The following MMP16 variants were observed in gnomAD, a reference collection of about 807,000 sequenced individuals.
MMP16 encodes the protein matrix metalloproteinase-16.
Under a neutral mutation model 67.8 loss-of-function variants are expected in MMP16, and 12 were observed. The observed-to-expected ratio is 0.18, with a 90% confidence interval of 0.11 to 0.29. The LOEUF is 0.29. Among genes scored for constraint, MMP16 ranks in the 10% least tolerant of loss-of-function variants. The pLI is 1.00. For missense variants in MMP16, 475 were observed against 765.7 expected, an observed-to-expected ratio of 0.62 and a Z score of 4.48; for synonymous variants, 249 against 255.9, an observed-to-expected ratio of 0.97 and a Z score of 0.26.
intron 3 of MMP16, among the ~76,000 whole-genome samples, chr8:88,182,379 A>G (rs1808994794): frequency 6.6e-6 from 1 of 152,146 alleles, no homozygotes; most frequent in Non-Finnish European, 1.5e-5. Context: ...AAGCATATGA[A>G]AAGTTGCATC....
intron 1 of MMP16, among the ~76,000 whole-genome samples, chr8:88,198,108 G>A (rs931234087): frequency 1.3e-4 from 20 of 152,246 alleles, no homozygotes; most frequent in African/African-American, 4.8e-4. Flanking sequence ...TGTGATTGGA[G>A]CAAAAATTCG....
At chr8:88,216,626 A>G (rs1443037183) in intron 1 of MMP16, among the ~76,000 whole-genome samples, 4 of 152,186 alleles carry the variant, frequency 2.6e-5, no homozygotes, top group African/African-American at 7.2e-5. Flanking sequence ...TTGACACTTC[A>G]GAATACTACA....
chr8:88,185,292 C>A (rs1480298776), intron 3 of MMP16, among the ~76,000 whole-genome samples: 1 of 151,860 alleles, frequency 6.6e-6, no homozygotes, highest in Admixed American at 6.6e-5. Context: ...AATCCTGTGT[C>A]TACAAAAAAT....
intron 1 of MMP16, among the ~76,000 whole-genome samples, chr8:88,224,808 C>T (rs1809743703): frequency 6.6e-6 from 1 of 151,912 alleles, no homozygotes; most frequent in South Asian, 2.1e-4. Context: ...TTCTGAGAAC[C>T]TCAGAGAGTT....
chr8:88,281,170 C>A (rs973059103), intron 1 of MMP16, among the ~76,000 whole-genome samples: 3 of 152,166 alleles, frequency 2.0e-5, no homozygotes, highest in South Asian at 2.1e-4. Context: ...GAATTAAAAA[C>A]CATATCTTGT....
chr8:88,119,724 T>G (rs183490017), intron 4 of MMP16, among the ~76,000 whole-genome samples: 1 of 152,118 alleles, frequency 6.6e-6, no homozygotes, highest in African/African-American at 2.4e-5. Context: ...CTTACATCTA[T>G]ATTTTTAATG....
intron 4 of MMP16, among the ~76,000 whole-genome samples, chr8:88,124,459 C>T (rs771708428): frequency 2.6e-5 from 4 of 151,754 alleles, no homozygotes; most frequent in Admixed American, 6.6e-5. Context: ...TATGTAAGCC[C>T]CCATATAGTC....
intron 4 of MMP16, among the ~76,000 whole-genome samples, chr8:88,138,505 A>G (rs1173492102): frequency 6.6e-6 from 1 of 152,028 alleles, no homozygotes; most frequent in Non-Finnish European, 1.5e-5. Flanking sequence ...AAGGAACAAT[A>G]AATAGTATTG....
At chr8:88,045,937 T>G (rs1033764418) in intron 9 of MMP16, among the ~76,000 whole-genome samples, 4 of 152,234 alleles carry the variant, frequency 2.6e-5, no homozygotes, top group African/African-American at 9.6e-5. Context: ...AATGTCATTT[T>G]CTTTTCCTTT....
At chr8:88,290,334 C>T (rs1309996507) in intron 1 of MMP16, among the ~76,000 whole-genome samples, 1 of 152,014 alleles carries the variant, frequency 6.6e-6, no homozygotes, top group African/African-American at 2.4e-5. Context: ...GGGTGGATCA[C>T]GAGATCAGGA....
Position 88,327,400 on chromosome 8 carries a change from A to T in MMP16, c.-194T>A, listed in dbSNP as rs1465015464. ...GCCCCCGAGAGGCAGCGGCGAAGAC[A>T]GGGTCAGCAGTAGTTCCTGTTCACC... On this transcript the variant is annotated 5_prime_UTR_variant, in exon 1 of 10. Transcript: ENST00000286614. The T allele has an allele frequency of 1.7e-6, 1 of 579,154 alleles. No homozygotes were observed. Among genetic ancestry groups the T allele is most frequent in the African/African-American group, 1.9e-5 (1 of 53,004 alleles). The allele number at this position is 579,154 out of a possible 1,614,324, so 35.9% of individuals were successfully genotyped here.
intron 1 of MMP16, among the ~76,000 whole-genome samples, chr8:88,320,349 C>T (rs536921489): frequency 1.6e-4 from 25 of 152,218 alleles, no homozygotes; most frequent in African/African-American, 5.8e-4. Context: ...TTTATTCCAC[C>T]TCTAATCTAT....
Position 88,186,602 on chromosome 8 carries a change from CAAA to C in MMP16, c.282-7_282-5del, listed in dbSNP as rs4043665. The C allele has an allele frequency of 0.12, 134,810 of 1,103,418 alleles. 30 individuals carry two copies. Among genetic ancestry groups the C allele is most frequent in the Non-Finnish European group, 0.13 (114,918 of 883,818 alleles). The allele number at this position is 1,103,418 out of a possible 1,614,324, so 68.4% of individuals were successfully genotyped here. On this transcript the variant is annotated splice_region_variant and splice_polypyrimidine_tract_variant and intron_variant, in intron 2 of 9. Coordinates refer to ENST00000286614, the MANE Select transcript of MMP16 (RefSeq NM_005941.5). Reference sequence around the variant, plus strand: ...GCATCGGGGCTTCTTCATCCAGCTGCAAAAAAAAAAAAAAAAAAAAAAAAGCAG... The same window carrying C: ...GCATCGGGGCTTCTTCATCCAGCTGCAAAAAAAAAAAAAAAAAAAAAGCAG...
intron 1 of MMP16, among the ~76,000 whole-genome samples, chr8:88,210,774 C>T (rs975413394): frequency 6.6e-6 from 1 of 152,062 alleles, no homozygotes; most frequent in East Asian, 1.9e-4. Context: ...ACCTTCCATC[C>T]CCATACCCAG....
intron 1 of MMP16, among the ~76,000 whole-genome samples, chr8:88,222,035 A>G (rs912908971): frequency 7.2e-5 from 11 of 151,750 alleles, no homozygotes; most frequent in Admixed American, 1.3e-4. Flanking sequence ...TTTTTTTTAT[A>G]CCTTTGTAAA....
chr8:88,069,214 A>C (rs1808509401), intron 7 of MMP16: 1 of 301,718 alleles, frequency 3.3e-6, no homozygotes, highest in Non-Finnish European at 6.4e-6. Context: ...CTGTCCAGCT[A>C]TTTAGGCCTC....
chr8:88,303,234 C>T (rs1430394148), intron 1 of MMP16, among the ~76,000 whole-genome samples: 1 of 152,194 alleles, frequency 6.6e-6, no homozygotes, highest in Non-Finnish European at 1.5e-5. Flanking sequence ...AAGGGCCCCA[C>T]TTCCATAGCA....
chr8:88,317,676 T>C (rs549476925), intron 1 of MMP16, among the ~76,000 whole-genome samples: 2 of 152,330 alleles, frequency 1.3e-5, no homozygotes, highest in Admixed American at 6.5e-5. Flanking sequence ...AAAAATCAGC[T>C]AGATTTTTAC....
chr8:88,045,650 A>G (rs1213727050), intron 9 of MMP16, among the ~76,000 whole-genome samples: 1 of 152,046 alleles, frequency 6.6e-6, no homozygotes, highest in Non-Finnish European at 1.5e-5. Context: ...ACGCCCTGCC[A>G]GTGTAGAGTT....
Sources: allele counts gnomAD v4.1 joint callset (sites outside exome capture counted in the v4.1 genomes callset), GRCh38; gene constraint gnomAD v4.1.1; transcripts MANE v1.5; gene names NCBI Gene and HGNC (gene_info 2026-07-23, HGNC 2026-07-21).